The following UNC13B variants were observed in gnomAD, a reference collection of about 807,000 sequenced individuals.
UNC13B encodes unc-13 homolog B.
UNC13B carries 144 observed loss-of-function variants against 211.0 expected under a neutral mutation model. That is an observed-to-expected ratio of 0.68 (90% CI 0.60 to 0.78). The LOEUF (loss-of-function observed/expected upper bound fraction) is 0.78, where lower values mean the gene tolerates loss of function less well. Ranked by LOEUF, UNC13B falls within the 30% of genes least tolerant of loss-of-function variation. UNC13B has a pLI of 0.00. For missense variants in UNC13B, 1,777 were observed against 2,002.0 expected, an observed-to-expected ratio of 0.89 and a Z score of 2.14; for synonymous variants, 709 against 725.8, an observed-to-expected ratio of 0.98 and a Z score of 0.37.
At chr9:35,192,291 T>C (rs1276026586) in intron 1 of UNC13B, among the ~76,000 whole-genome samples, 1 of 152,232 alleles carries the variant, frequency 6.6e-6, no homozygotes, top group Non-Finnish European at 1.5e-5. Flanking sequence ...CTTCCCTTCC[T>C]ATCGACAATG....
intron 11 of UNC13B, among the ~76,000 whole-genome samples, chr9:35,348,736 A>G (rs1038136274): frequency 2.6e-5 from 4 of 152,186 alleles, no homozygotes; most frequent in Non-Finnish European, 5.9e-5. Context: ...ACATTCCTGT[A>G]ATTATCTCCC....
intron 7 of UNC13B, among the ~76,000 whole-genome samples, chr9:35,288,740 T>C (rs903357743): frequency 2.4e-4 from 37 of 152,244 alleles, no homozygotes; most frequent in African/African-American, 8.9e-4. Context: ...TCATTCAATT[T>C]ATTAGTACAG....
At chr9:35,383,039 C>G (rs1179196761) in intron 21 of UNC13B, among the ~76,000 whole-genome samples, 1 of 152,158 alleles carries the variant, frequency 6.6e-6, no homozygotes, top group Non-Finnish European at 1.5e-5. Context: ...GTGGTACCAC[C>G]TGGGCTTGGC....
chr9:35,314,109 T>A, intron 11 of UNC13B, 120 bp downstream of exon 11: 1 of 822,546 alleles, frequency 1.2e-6, no homozygotes, highest in Non-Finnish European at 2.1e-6. Flanking sequence ...TGGGAATGCA[T>A]GACAATTAAG....
At chr9:35,249,885 G>A (rs1048327156) in intron 6 of UNC13B, among the ~76,000 whole-genome samples, 5 of 152,022 alleles carry the variant, frequency 3.3e-5, no homozygotes, top group African/African-American at 1.2e-4. Flanking sequence ...TTTTATTCTA[G>A]GGTATGGCAC....
At chr9:35,253,364 T>C (rs1188885016) in intron 6 of UNC13B, among the ~76,000 whole-genome samples, 3 of 152,160 alleles carry the variant, frequency 2.0e-5, no homozygotes, top group African/African-American at 7.2e-5. Flanking sequence ...CTGGACATTC[T>C]TTTTGATACT....
chr9:35,225,415 A>G (rs1194619923), intron 1 of UNC13B, among the ~76,000 whole-genome samples: 1 of 152,198 alleles, frequency 6.6e-6, no homozygotes, highest in African/African-American at 2.4e-5. Flanking sequence ...TTGGCCTCCC[A>G]AAGTGCTGGG....
intron 7 of UNC13B, among the ~76,000 whole-genome samples, chr9:35,285,109 A>T (rs1191351011): frequency 6.6e-6 from 1 of 152,196 alleles, no homozygotes; most frequent in African/African-American, 2.4e-5. Context: ...TTTACCTTCT[A>T]GGAAAGAGGA....
chr9:35,239,975 G>A (rs1825718497), intron 5 of UNC13B, among the ~76,000 whole-genome samples: 1 of 152,114 alleles, frequency 6.6e-6, no homozygotes, highest in Non-Finnish European at 1.5e-5. Context: ...GGGTCCTGAG[G>A]CCACATTCAA....
Position 35,378,350 on chromosome 9 carries a change from C to A in UNC13B, c.10119C>A (p.Tyr3373Ter). 2 of 1,614,108 alleles carry A rather than the reference C, an allele frequency of 1.2e-6. No individual in the cohort carries two copies. Among genetic ancestry groups the A allele is most frequent in the Non-Finnish European group, 1.7e-6 (2 of 1,180,012 alleles). The stretch of plus-strand genomic sequence containing the variant: ...ACAAAACAGGATCCAGTGACCCTTA[C>A]GTGACTGTGCAAGTCAGCAAAACTA... ...AKDKTGSSDP[Y>*]VTVQVSKTKK... is the part of the protein sequence containing the mutation. The change falls in exon 17 of 40, where the codon TAC (tyrosine) becomes TAA (stop). Residue 3373 changes from tyrosine (Y) to a stop codon, truncating the protein, a stop_gained. Transcript: ENST00000635942. LOFTEE classifies it high-confidence loss of function.
At chr9:35,235,523 C>A (rs1261389548) in intron 3 of UNC13B, among the ~76,000 whole-genome samples, 1 of 151,562 alleles carries the variant, frequency 6.6e-6, no homozygotes, top group African/African-American at 2.4e-5. Flanking sequence ...GATCTTGGCT[C>A]TGCCTCCTGG....
intron 11 of UNC13B, chr9:35,360,506 A>G (rs1395479072): frequency 1.3e-5 from 2 of 152,328 alleles, no homozygotes; most frequent in East Asian, 3.9e-4. Flanking sequence ...TACTGTCATC[A>G]TCTTCATCAT....
At chr9:35,184,108 G>T (rs1822188470) in intron 1 of UNC13B, among the ~76,000 whole-genome samples, 1 of 149,958 alleles carries the variant, frequency 6.7e-6, no homozygotes, top group Non-Finnish European at 1.5e-5. Context: ...TCACATCCCA[G>T]ACGATGGGCA....
intron 1 of UNC13B, among the ~76,000 whole-genome samples, chr9:35,171,327 C>G (rs1319503802): frequency 6.7e-6 from 1 of 148,922 alleles, no homozygotes; most frequent in African/African-American, 2.5e-5. Context: ...GTCTCAAACT[C>G]CTGACCTCAG....
intron 7 of UNC13B, among the ~76,000 whole-genome samples, chr9:35,287,545 C>A (rs1259635033): frequency 6.6e-6 from 1 of 152,152 alleles, no homozygotes; most frequent in African/African-American, 2.4e-5. Flanking sequence ...TCCTCTTTTT[C>A]TTCTTCTTTT....
rs771175195 is a variant in UNC13B at position 35,376,013 on chromosome 9, G to T, written c.9616-15G>T. The T allele has an allele frequency of 5.0e-6, 8 of 1,613,400 alleles. No individual in the cohort carries two copies. In the Admixed American group the frequency reaches 8.3e-5, roughly 17 times the overall value. ...CAAAAAACAAAAATCATGGGATGGG[G>T]TATGTGTCTTTCAGAAATCCCACGT... is the stretch of plus-strand genomic sequence containing the variant. On this transcript the variant is annotated splice_polypyrimidine_tract_variant and intron_variant, in intron 14 of 39. Coordinates refer to ENST00000635942, the MANE Select transcript of UNC13B (RefSeq NM_001371189.2).
At chr9:35,345,968 C>T (rs568137442) in intron 11 of UNC13B, among the ~76,000 whole-genome samples, 1 of 152,282 alleles carries the variant, frequency 6.6e-6, no homozygotes, top group East Asian at 1.9e-4. Context: ...TGGGGCTGCT[C>T]TTAATGCTGA....
chr9:35,218,365 T>A (rs1824374609), intron 1 of UNC13B, among the ~76,000 whole-genome samples: 1 of 152,050 alleles, frequency 6.6e-6, no homozygotes, highest in African/African-American at 2.4e-5. Context: ...AGTCTAGATC[T>A]GTTAGAAGGT....
intron 30 of UNC13B, 138 bp downstream of exon 30, chr9:35,397,850 A>G: frequency 2.4e-6 from 2 of 850,376 alleles, no homozygotes; most frequent in East Asian, 2.7e-5. Context: ...CTTCAGATCC[A>G]TGCCACAAAA....
Sources: allele counts gnomAD v4.1 joint callset (sites outside exome capture counted in the v4.1 genomes callset), GRCh38; gene constraint gnomAD v4.1.1; transcripts MANE v1.5; gene names NCBI Gene and HGNC (gene_info 2026-07-23, HGNC 2026-07-21).